LRP1B: variants seen among roughly 807,000 people sequenced by gnomAD.
LRP1B encodes the protein low-density lipoprotein receptor-related protein 1B.
Under a neutral mutation model 556.6 loss-of-function variants are expected in LRP1B, and 217 were observed. The ratio of observed to expected loss-of-function variants is 0.39; its 90% CI spans 0.35 to 0.44. The LOEUF (loss-of-function observed/expected upper bound fraction) is 0.44. LRP1B is among the 20% of genes least tolerant of loss of function. LRP1B has a pLI of 1.00. For synonymous variants in LRP1B, 2,047 were observed against 1,865.8 expected (o/e 1.10, Z -2.50); for missense variants, 5,053 against 5,620.8 (o/e 0.90, Z 3.23).
chr2:140,637,896 A>G (rs1490683236), intron 41 of LRP1B, among the ~76,000 whole-genome samples: 1 of 152,202 alleles, frequency 6.6e-6, no homozygotes, highest in Non-Finnish European at 1.5e-5. Context: ...AGTCTTCTAA[A>G]ATCAAACATT....
At chr2:141,584,085 T>TC (rs935342004) in intron 2 of LRP1B, among the ~76,000 whole-genome samples, 1 of 150,664 alleles carries the variant, frequency 6.6e-6, no homozygotes, top group Non-Finnish European at 1.5e-5. Context: ...TCTACAAATT[T>TC]CCCCCCAACG....
chr2:141,555,610 T>A (rs1172954504), intron 2 of LRP1B, among the ~76,000 whole-genome samples: 1 of 151,932 alleles, frequency 6.6e-6, no homozygotes, highest in Non-Finnish European at 1.5e-5. Context: ...ATTTCTGCAG[T>A]GAAAAGGAAC....
At chr2:140,432,556 G>A (rs2105285816) in intron 66 of LRP1B, among the ~76,000 whole-genome samples, 1 of 152,250 alleles carries the variant, frequency 6.6e-6, no homozygotes, top group Admixed American at 6.5e-5. Flanking sequence ...TTGTGTTTTG[G>A]AGATTACAAA....
At chr2:141,806,388 G>A (rs1018410433) in intron 2 of LRP1B, among the ~76,000 whole-genome samples, 9 of 151,902 alleles carry the variant, frequency 5.9e-5, no homozygotes, top group Admixed American at 2.6e-4. Flanking sequence ...CCTAAAACTG[G>A]TGTTAGTCTT....
rs143347807 is a variant in LRP1B at position 142,034,460 on chromosome 2, T to C, written c.82+96188A>G. Among the ~76,000 whole-genome samples, 118 of 151,792 alleles carry C rather than the reference T, an allele frequency of 7.8e-4. 1 individual carries two copies. The highest frequency in any genetic ancestry group is 3.4e-3 in the Middle Eastern group (1 of 294). ...TGTTCCCTCTGCACATAATGCCTTT[T>C]TTTTCTTACTAAACTGATAACATCC... On this transcript the variant is annotated intron_variant, in intron 1 of 90. Transcript: ENST00000389484.
chr2:141,408,924 C>T (rs565706069), intron 3 of LRP1B, among the ~76,000 whole-genome samples: 1 of 152,248 alleles, frequency 6.6e-6, no homozygotes, highest in African/African-American at 2.4e-5. Context: ...TTGACTTTCT[C>T]TTCTTCCGCA....
chr2:140,944,716 T>C (rs1336175211), intron 20 of LRP1B, among the ~76,000 whole-genome samples: 1 of 152,124 alleles, frequency 6.6e-6, no homozygotes, highest in Non-Finnish European at 1.5e-5. Context: ...CAACATCCTT[T>C]CATGATAAAA....
chr2:141,888,201 A>C (rs1273423944), intron 1 of LRP1B, among the ~76,000 whole-genome samples: 2 of 152,180 alleles, frequency 1.3e-5, no homozygotes, highest in African/African-American at 4.8e-5. Flanking sequence ...CTTCCTCAGG[A>C]ACAGCAGAAT....
intron 58 of LRP1B, among the ~76,000 whole-genome samples, chr2:140,486,225 A>G (rs926631878): frequency 2.6e-5 from 4 of 152,072 alleles, no homozygotes; most frequent in African/African-American, 7.2e-5. Context: ...TTGAAGCTAT[A>G]TAGAAGCCAA....
At chr2:140,989,326 T>A (rs564504137) in intron 17 of LRP1B, among the ~76,000 whole-genome samples, 35 of 152,218 alleles carry the variant, frequency 2.3e-4, no homozygotes, top group African/African-American at 8.2e-4. Flanking sequence ...GCCAAATTAG[T>A]CTGGAAAGCA....
intron 2 of LRP1B, among the ~76,000 whole-genome samples, chr2:141,770,342 A>G (rs1694861831): frequency 6.6e-6 from 1 of 152,204 alleles, no homozygotes; most frequent in Non-Finnish European, 1.5e-5. Flanking sequence ...TTTAATGGTT[A>G]ATCTAAGAGA....
intron 1 of LRP1B, among the ~76,000 whole-genome samples, chr2:141,821,894 T>C (rs532459169): frequency 6.6e-6 from 1 of 152,246 alleles, no homozygotes; most frequent in Non-Finnish European, 1.5e-5. Flanking sequence ...ATTTCTATCA[T>C]AATGAACAAA....
At position 142,044,649 on chromosome 2, in the gene LRP1B, C is replaced by T. The variant is rs375474613; in HGVS notation, c.82+85999G>A. 2.5e-4 allele frequency among the ~76,000 whole-genome samples: 38 copies of T among 151,692 alleles called. No homozygotes were observed. In the South Asian group the frequency reaches 7.3e-3, roughly 29 times the overall value. On this transcript the variant is annotated intron_variant, in intron 1 of 90. Transcript: ENST00000389484. ...AATTTTTTTTTGTGGATTACACAAT[C>T]GAAAAGCCCCAAGGATATTCATCAA...
intron 20 of LRP1B, among the ~76,000 whole-genome samples, chr2:140,924,432 C>T (rs570662233): frequency 2.6e-5 from 4 of 152,016 alleles, no homozygotes; most frequent in South Asian, 4.1e-4. Context: ...TATTTAAAGA[C>T]GTTCAGCAAT....
rs10178780 is a variant in LRP1B at position 141,517,641 on chromosome 2, T to C, written c.206-37108A>G. Among the ~76,000 whole-genome samples, 696 of 152,244 alleles carry C rather than the reference T, an allele frequency of 4.6e-3. 2 individuals are homozygous for C. The highest frequency in any genetic ancestry group is 0.016 in the African/African-American group (658 of 41,542). ...CAAAAAATAAAAAAATAAATAACATTGTAACTGGTGTATTTGTTTAAAAGA... is the reference window on the plus strand; with the variant it reads ...CAAAAAATAAAAAAATAAATAACATCGTAACTGGTGTATTTGTTTAAAAGA... On this transcript the variant is annotated intron_variant, in intron 2 of 90. Coordinates refer to ENST00000389484, the MANE Select transcript of LRP1B (RefSeq NM_018557.3).
At chr2:140,628,534 C>T (rs1683758899) in intron 41 of LRP1B, among the ~76,000 whole-genome samples, 1 of 83,822 alleles carries the variant, frequency 1.2e-5, no homozygotes, top group Admixed American at 1.3e-4. Context: ...GAGACTCTGT[C>T]TCGAAAAAAA....
intron 3 of LRP1B, among the ~76,000 whole-genome samples, chr2:141,380,225 GAA>G (rs35977522): frequency 1.7e-4 from 23 of 137,602 alleles, no homozygotes; most frequent in Middle Eastern, 8.1e-3. Context: ...TGCTCCAGGA[GAA>G]AAAAAAAAAA....
intron 3 of LRP1B, among the ~76,000 whole-genome samples, chr2:141,392,441 C>A (rs529566706): frequency 7.8e-6 from 1 of 128,390 alleles, no homozygotes; most frequent in Non-Finnish European, 1.6e-5. Context: ...ATGTTTCCAT[C>A]ATCAGCATTG....
intron 41 of LRP1B, among the ~76,000 whole-genome samples, chr2:140,635,845 A>T (rs1684053678): frequency 6.6e-6 from 1 of 152,100 alleles, no homozygotes; most frequent in South Asian, 2.1e-4. Flanking sequence ...ATTTAATAGG[A>T]TTCATTCCTG....
Sources: allele counts gnomAD v4.1 joint callset (sites outside exome capture counted in the v4.1 genomes callset), GRCh38; gene constraint gnomAD v4.1.1; transcripts MANE v1.5; gene names NCBI Gene and HGNC (gene_info 2026-07-23, HGNC 2026-07-21).